MLH3: variants seen among roughly 807,000 people sequenced by gnomAD.
MLH3 encodes the protein DNA mismatch repair protein Mlh3.
In MLH3, 82 loss-of-function variants were observed where a neutral mutation model predicts 122.2. The observed-to-expected ratio is 0.67, with a 90% confidence interval of 0.56 to 0.81. The LOEUF (loss-of-function observed/expected upper bound fraction) is 0.81. Among genes scored for constraint, MLH3 ranks in the 30% least tolerant of loss-of-function variants. MLH3 has a pLI of 0.00. For missense variants in MLH3, 1,539 were observed against 1,714.5 expected (o/e 0.90, Z 1.81); for synonymous variants, 524 against 599.5 (o/e 0.87, Z 1.84).
chr14:75,029,725 G>A (rs1186093463), intron 9 of MLH3, among the ~76,000 whole-genome samples: 2 of 152,038 alleles, frequency 1.3e-5, no homozygotes, highest in Non-Finnish European at 2.9e-5. Flanking sequence ...AGTAGAGATG[G>A]GGTTTTTCCA....
At chr14:75,026,311 G>A (rs1478656530) in intron 9 of MLH3, among the ~76,000 whole-genome samples, 7 of 151,624 alleles carry the variant, frequency 4.6e-5, no homozygotes, top group Admixed American at 4.6e-4. Flanking sequence ...TGAGATTTGG[G>A]GAAAAAAACA....
rs576108893 is a variant in MLH3, at chr14:75,032,831, C to CA, written c.3715+587dup. ...TGCCTCATGATGAGGAAAAGGGTAG[C>CA]AAAAAAAAACATTTAAAAAGCATAT... On this transcript the variant is annotated intron_variant, in intron 7 of 12. Transcript: ENST00000355774. Among the ~76,000 whole-genome samples the CA allele has an allele frequency of 1.9e-3, 131 of 69,140 alleles. 4 individuals carry two copies. Among genetic ancestry groups the CA allele is most frequent in the Admixed American group, 5.8e-3 (30 of 5,214 alleles). The allele number at this position is 69,140 out of a possible 152,430, so 45.4% of individuals were successfully genotyped here. A position where few individuals can be genotyped will look rare whatever the true frequency, so the allele number is the denominator to read the frequency against.
chr14:75,027,442 T>A (rs1890704684), intron 9 of MLH3, among the ~76,000 whole-genome samples: 1 of 151,736 alleles, frequency 6.6e-6, no homozygotes, highest in Non-Finnish European at 1.5e-5. Context: ...GTATTTTTGG[T>A]AGAGACAGGG....
chr14:75,022,779 G>C (rs1006325932), intron 11 of MLH3, 35 bp downstream of exon 11: 3 of 1,589,802 alleles, frequency 1.9e-6, no homozygotes, highest in Non-Finnish European at 2.6e-6. Context: ...TCTGCATGCA[G>C]AGGTGTTTGA....
intron 12 of MLH3, among the ~76,000 whole-genome samples, chr14:75,018,038 G>A (rs866356923): frequency 2.6e-5 from 4 of 151,936 alleles, no homozygotes; most frequent in East Asian, 1.9e-4. Flanking sequence ...CCAGCTACTC[G>A]GGAGGCTGAG....
At position 75,042,403 on chromosome 14, in the gene MLH3, T is replaced by C. The variant is rs1340154164; in HGVS notation, c.3355A>G (p.Thr1119Ala). 5 of 1,614,040 alleles carry C rather than the reference T, an allele frequency of 3.1e-6. No homozygotes were observed. The highest frequency in any genetic ancestry group is 3.4e-6 in the Non-Finnish European group (4 of 1,180,018). Residue 1119 changes from threonine (T) to alanine (A), a missense_variant, in exon 3 of 13, where the codon ACT becomes GCT. Thr to Ala is a moderately conservative substitution (Grantham distance 58, BLOSUM62 0). Coordinates refer to ENST00000355774, the MANE Select transcript of MLH3 (RefSeq NM_001040108.2). Reference sequence around the variant, plus strand: ...CCTCTGTTATCCTGTCTCATCACAGTCCTCTCTGCTCGAGCTCTCGGAAGG... The same window carrying C: ...CCTCTGTTATCCTGTCTCATCACAGCCCTCTCTGCTCGAGCTCTCGGAAGG... ...PFLPRARAER[T>A]VMRQDNRDTV...
intron 9 of MLH3, among the ~76,000 whole-genome samples, chr14:75,027,233 A>T (rs1890685973): frequency 6.6e-6 from 1 of 152,034 alleles, no homozygotes; most frequent in Non-Finnish European, 1.5e-5. Context: ...CAAAATAAAG[A>T]TACTTTAAAA....
At chr14:75,038,710 A>G (rs1891594181) in intron 5 of MLH3, among the ~76,000 whole-genome samples, 1 of 152,232 alleles carries the variant, frequency 6.6e-6, no homozygotes, top group Admixed American at 6.5e-5. Flanking sequence ...TTCCCAACAG[A>G]GTGACTCTTG....
chr14:75,019,118 T>C (rs1468666082), intron 11 of MLH3, 138 bp from the exon 12 acceptor site: 4 of 821,430 alleles, frequency 4.9e-6, no homozygotes, highest in Non-Finnish European at 7.8e-6. Flanking sequence ...CTGCTTGAAA[T>C]TGGTGCTTAT....
At chr14:75,033,304 G>T in intron 7 of MLH3, 115 bp downstream of exon 7, 1 of 815,292 alleles carries the variant, frequency 1.2e-6, no homozygotes, top group Non-Finnish European at 2.1e-6. Flanking sequence ...TTTAATTTTT[G>T]AACATACAGT....
Position 75,030,523 on chromosome 14 carries a change from C to A in MLH3, c.3987+20G>T, listed in dbSNP as rs1890973313. ...TACCATCACTCAGCAATTTCCTTAA[C>A]ATCTGCAGCTGTGTCTTACCTCCAC... On this transcript the variant is annotated intron_variant, in intron 9 of 12. Transcript: ENST00000355774. 6.2e-7 allele frequency: 1 copy of A among 1,612,956 alleles called. No individual in the cohort carries two copies. The highest frequency in any genetic ancestry group is 8.5e-7 in the Non-Finnish European group (1 of 1,178,952).
rs774323111 is a variant in MLH3, at chr14:75,048,772, C to T, written c.884G>A (p.Arg295Gln). 9.9e-6 allele frequency: 16 copies of T among 1,613,920 alleles called. No individual in the cohort carries two copies. The highest frequency in any genetic ancestry group is 8.9e-5 in the East Asian group (4 of 44,892). The change falls in exon 2 of 13, where the codon CGG becomes CAG. Residue 295 changes from arginine to glutamine, a missense_variant. By Grantham distance (43) the Arg-to-Gln change is conservative (BLOSUM62 1). Coordinates refer to ENST00000355774, the MANE Select transcript of MLH3 (RefSeq NM_001040108.2). Reference sequence around the variant, plus strand: ...ATAGAGTTCTGGGGTAGACCGGTGCCGAAGACTTGAATTCATTTGCCTACT... The same window carrying T: ...ATAGAGTTCTGGGGTAGACCGGTGCTGAAGACTTGAATTCATTTGCCTACT... ...PTSRQMNSSL[R>Q]HRSTPELYGI...
intron 6 of MLH3, among the ~76,000 whole-genome samples, chr14:75,036,901 A>G (rs1289233711): frequency 1.3e-5 from 2 of 152,128 alleles, no homozygotes; most frequent in Non-Finnish European, 2.9e-5. Flanking sequence ...AGATATTGCA[A>G]TATTCTTTTA....
intron 9 of MLH3, among the ~76,000 whole-genome samples, chr14:75,025,078 A>G (rs1480880527): frequency 6.6e-6 from 1 of 152,192 alleles, no homozygotes; most frequent in Non-Finnish European, 1.5e-5. Flanking sequence ...TTCCTCTTGA[A>G]TGTTTCCCCC....
In MLH3 at chr14:75,018,969, A is replaced by G; in HGVS notation, c.4102T>C (p.Phe1368Leu). Residue 1368 changes from phenylalanine (F) to leucine (L), a missense_variant, in exon 12 of 13, where the codon TTT (phenylalanine) becomes CTT (leucine). Phe to Leu is a conservative substitution (Grantham distance 22). Transcript: ENST00000355774. ...ASQACHGAIK[F>L]NDGLSLQESC... ...TCCTGTAAGCTCAGGCCATCATTAA[A>G]CTTAATGGCCCCTAAATGAAAGACA... 6.2e-7 allele frequency: 1 copy of G among 1,614,088 alleles called. No homozygotes were observed. The highest frequency in any genetic ancestry group is 8.5e-7 in the Non-Finnish European group (1 of 1,179,944).
At chr14:75,019,435 A>T (rs1357226741) in intron 11 of MLH3, among the ~76,000 whole-genome samples, 2 of 141,442 alleles carry the variant, frequency 1.4e-5, no homozygotes, top group South Asian at 2.3e-4. Flanking sequence ...AAAAAAAAAA[A>T]GAGGGAAATA....
In MLH3 at chr14:75,032,098, G is replaced by C. The variant is rs777185319; in HGVS notation, c.3797C>G (p.Thr1266Arg). The C allele has an allele frequency of 6.2e-7, 1 of 1,612,846 alleles. No homozygotes were observed. Among genetic ancestry groups the C allele is most frequent in the Non-Finnish European group, 8.5e-7 (1 of 1,178,868 alleles). Residue 1266 changes from threonine to arginine, a missense_variant, in exon 8 of 13, where the codon ACA becomes AGA. Physicochemically the swap from Thr to Arg is moderately conservative, Grantham distance 71. Coordinates refer to ENST00000355774, the MANE Select transcript of MLH3 (RefSeq NM_001040108.2). ...SSTLIPPLEITVTEEQRRLLW... is the reference protein window; with the variant it reads ...SSTLIPPLEIRVTEEQRRLLW... ...GAGTCTCCTTTGTTCCTCTGTCACT[G>C]TTATCTCTAGCGGAGGAATTAGAGT...
intron 9 of MLH3, among the ~76,000 whole-genome samples, chr14:75,029,308 G>T (rs925966737): frequency 2.6e-5 from 4 of 151,972 alleles, no homozygotes; most frequent in Non-Finnish European, 5.9e-5. Context: ...AAGAGGAAAG[G>T]TTGGTCTTGC....
rs175075 is a variant in MLH3, at chr14:75,038,313, A to G, written c.3643+27T>C. 1,533,252 of 1,537,636 alleles carry G rather than the reference A, an allele frequency of 1. 764,530 individuals are homozygous for G. Among genetic ancestry groups the G allele is most frequent in the East Asian group, 1 (44,538 of 44,538 alleles). ...AGGTTACAAGAAGACCAGCTGGTTA[A>G]TCATTCAGGCTAAACTCCATTCTTA... On this transcript the variant is annotated intron_variant, in intron 6 of 12. Coordinates refer to ENST00000355774, the MANE Select transcript of MLH3 (RefSeq NM_001040108.2).
Sources: gnomAD v4.1 joint callset for allele counts (sites outside exome capture counted in the v4.1 genomes callset) on GRCh38, gnomAD v4.1.1 for gene constraint, MANE v1.5 for transcripts, NCBI Gene and HGNC (gene_info 2026-07-23, HGNC 2026-07-21) for gene names.